CAMK2G: variants seen among roughly 807,000 people sequenced by gnomAD.
CAMK2G encodes calcium/calmodulin-dependent protein kinase type II subunit gamma.
A neutral mutation model predicts 88.7 loss-of-function variants in CAMK2G; 23 were observed. The ratio of observed to expected loss-of-function variants is 0.26; its 90% confidence interval spans 0.19 to 0.37. The LOEUF (loss-of-function observed/expected upper bound fraction) is 0.37. Ranked by LOEUF, CAMK2G falls within the 10% of genes least tolerant of loss-of-function variation. The pLI, the probability that CAMK2G is intolerant of heterozygous loss-of-function variation, is 1.00. For missense variants in CAMK2G, 476 were observed against 780.8 expected, an observed-to-expected ratio of 0.61 and a Z score of 4.65; for synonymous variants, 263 against 294.8, an observed-to-expected ratio of 0.89 and a Z score of 1.11.
At chr10:73,853,294 A>G in intron 3 of CAMK2G, 48 bp from the exon 4 acceptor site, 1 of 1,559,212 alleles carries the variant, frequency 6.4e-7, no homozygotes, top group East Asian at 2.2e-5. Context: ...GAAAACTTGG[A>G]AATCCTAGGC....
At chr10:73,819,205 C>A (rs541996989) in intron 19 of CAMK2G, among the ~76,000 whole-genome samples, 12 of 152,284 alleles carry the variant, frequency 7.9e-5, no homozygotes, top group South Asian at 6.2e-4. Context: ...CTCCCACCCC[C>A]ACAGACCTGA....
chr10:73,832,837 C>T (rs548698661), intron 14 of CAMK2G, among the ~76,000 whole-genome samples: 4 of 152,166 alleles, frequency 2.6e-5, no homozygotes, highest in South Asian at 2.1e-4. Context: ...CAGCTGGCCT[C>T]GAATTCCTGG....
intron 14 of CAMK2G, among the ~76,000 whole-genome samples, chr10:73,836,662 G>T (rs1339134349): frequency 2.0e-5 from 3 of 152,192 alleles, no homozygotes; most frequent in Non-Finnish European, 4.4e-5. Context: ...TTGGGAAAAG[G>T]CCCAGTGAAA....
chr10:73,833,563 C>G (rs529116142), intron 14 of CAMK2G, among the ~76,000 whole-genome samples: 2 of 151,102 alleles, frequency 1.3e-5, no homozygotes, highest in African/African-American at 2.4e-5. Context: ...TCCTTGTTTT[C>G]AGGTTGTCAG....
In CAMK2G at chr10:73,842,217, G is replaced by T. The variant is rs1223273623; in HGVS notation, c.904-6C>A. 6.2e-7 allele frequency: 1 copy of T among 1,610,196 alleles called. No homozygotes were observed. The highest frequency in any genetic ancestry group is 8.5e-7 in the Non-Finnish European group (1 of 1,176,366). On this transcript the variant is annotated splice_region_variant and splice_polypyrimidine_tract_variant and intron_variant, in intron 11 of 22. Transcript: ENST00000423381. This position sits in a 1 kb window ranked among gnomAD's most constrained non-coding sequence, Gnocchi z 4.6. ...ATGGTCGTGAGGATGGCACCCTGGG[G>T]AAAGAGGAAGGTCCTGTGAATTCAC...
chr10:73,828,057 G>C, intron 15 of CAMK2G, 32 bp downstream of exon 15: 1 of 1,600,402 alleles, frequency 6.2e-7, no homozygotes, highest in Non-Finnish European at 8.6e-7. Context: ...AGGCAGCATG[G>C]AGTGGGCGAT....
chr10:73,838,357 C>T lies in CAMK2G; in HGVS notation c.1010-846G>A, dbSNP rs112116362. Among the ~76,000 whole-genome samples, 892 of 152,342 alleles carry T rather than the reference C, an allele frequency of 5.9e-3. 13 individuals are homozygous for T. The highest frequency in any genetic ancestry group is 0.021 in the African/African-American group (857 of 41,570). ...GCCCTGGGTCTGTATCTTGGTTCCA[C>T]CACTTGCCAGCTGTGTGACCTTTGG... On this transcript the variant is annotated intron_variant, in intron 13 of 22. Transcript: ENST00000423381.
intron 2 of CAMK2G, among the ~76,000 whole-genome samples, chr10:73,869,711 G>A (rs1337848272): frequency 6.6e-6 from 1 of 152,182 alleles, no homozygotes; most frequent in South Asian, 2.1e-4. Context: ...CTCACAAAGA[G>A]GAAAGCTTTT....
At chr10:73,858,270 C>T (rs997159051) in intron 3 of CAMK2G, among the ~76,000 whole-genome samples, 1 of 152,254 alleles carries the variant, frequency 6.6e-6, no homozygotes, top group Non-Finnish European at 1.5e-5. Context: ...CTCGACTGTG[C>T]ACTGTTCTTG....
chr10:73,819,473 G>C (rs2086991309), intron 19 of CAMK2G, 59 bp downstream of exon 19: 1 of 1,246,720 alleles, frequency 8.0e-7, no homozygotes, highest in South Asian at 1.3e-5. Context: ...GGGGGTCCCT[G>C]AGGGGCTTCA....
chr10:73,812,641 GCCTT>G lies in CAMK2G; in HGVS notation c.*1873_*1876del, dbSNP rs1438905801. 2 of 152,632 alleles carry G rather than the reference GCCTT, an allele frequency of 1.3e-5. No individual in the cohort carries two copies. Among genetic ancestry groups the G allele is most frequent in the Non-Finnish European group, 1.5e-5 (1 of 68,042 alleles). 9.5% of individuals were successfully genotyped at this position (152,632 alleles called of 1,614,324 possible). A position where few individuals can be genotyped will look rare whatever the true frequency, so the allele number is the denominator to read the frequency against. On this transcript the variant is annotated 3_prime_UTR_variant, in exon 23 of 23. Transcript: ENST00000423381. ...GTCATGCAAAAATTCTGCATCAAAT[GCCTT>G]CCGTTTCTTGTTTAAAAGGTGATTT...
At chr10:73,834,459 G>A (rs535780322) in intron 14 of CAMK2G, among the ~76,000 whole-genome samples, 36 of 152,214 alleles carry the variant, frequency 2.4e-4, no homozygotes, top group South Asian at 2.1e-3. Context: ...CCCCACGCAC[G>A]TCCTCATTTA....
At chr10:73,837,783 G>A (rs554815744) in intron 13 of CAMK2G, among the ~76,000 whole-genome samples, 2 of 152,296 alleles carry the variant, frequency 1.3e-5, no homozygotes, top group African/African-American at 4.8e-5. Flanking sequence ...CAGTACTGGA[G>A]CCGCCTGGGG....
chr10:73,830,947 G>T (rs767531227), intron 14 of CAMK2G, among the ~76,000 whole-genome samples: 8 of 152,178 alleles, frequency 5.3e-5, no homozygotes, highest in Non-Finnish European at 1.2e-4. Context: ...GGGAAGATGG[G>T]ATCTAAAAGA....
chr10:73,821,061 C>T (rs573576163), intron 18 of CAMK2G, among the ~76,000 whole-genome samples: 30 of 151,996 alleles, frequency 2.0e-4, no homozygotes, highest in Admixed American at 8.5e-4. Flanking sequence ...CCACTTGCCT[C>T]GGCCTCCCAA....
At chr10:73,820,011 CA>C (rs2087320909) in intron 18 of CAMK2G, among the ~76,000 whole-genome samples, 1 of 152,216 alleles carries the variant, frequency 6.6e-6, no homozygotes, top group African/African-American at 2.4e-5. Flanking sequence ...GTGCCGGAAT[CA>C]AAACTGATCT....
At chr10:73,815,371 C>CAA (rs1554985720) in intron 21 of CAMK2G, 124 bp from the exon 22 acceptor site, 3 of 647,914 alleles carry the variant, frequency 4.6e-6, no homozygotes. Flanking sequence ...CAAGTACCGC[C>CAA]CCCCCCCACC....
chr10:73,831,817 A>G (rs1159554425), intron 14 of CAMK2G, among the ~76,000 whole-genome samples: 2 of 152,096 alleles, frequency 1.3e-5, no homozygotes, highest in Non-Finnish European at 2.9e-5. Flanking sequence ...CCAAGATCAC[A>G]CCACTACACT....
intron 2 of CAMK2G, among the ~76,000 whole-genome samples, chr10:73,863,941 G>A (rs922268300): frequency 1.5e-4 from 23 of 152,328 alleles, no homozygotes; most frequent in African/African-American, 4.8e-4. Flanking sequence ...TGTGGAGTAT[G>A]GCAATTAACA....
Sources: gnomAD v4.1 joint callset for allele counts (sites outside exome capture counted in the v4.1 genomes callset) on GRCh38, gnomAD v4.1.1 for gene constraint, Gnocchi (gnomAD v3.1) non-coding constraint, MANE v1.5 for transcripts, NCBI Gene and HGNC (gene_info 2026-07-23, HGNC 2026-07-21) for gene names.